MLLT3: variants seen among roughly 807,000 people sequenced by gnomAD.
MLLT3 encodes the protein MLLT3 super elongation complex subunit.
MLLT3 carries 4 observed loss-of-function variants against 53.2 expected under a neutral mutation model. That is an observed-to-expected ratio of 0.08 (90% confidence interval 0.04 to 0.17). The LOEUF (loss-of-function observed/expected upper bound fraction) is 0.17, where lower values mean the gene tolerates loss of function less well. Ranked by LOEUF, MLLT3 falls within the 10% of genes least tolerant of loss-of-function variation. MLLT3 has a pLI of 1.00. For missense variants in MLLT3, 569 were observed against 684.0 expected, an observed-to-expected ratio of 0.83 and a Z score of 1.87; for synonymous variants, 283 against 230.6, an observed-to-expected ratio of 1.23 and a Z score of -2.06.
intron 2 of MLLT3, among the ~76,000 whole-genome samples, chr9:20,497,640 C>A (rs1309541188): frequency 6.6e-6 from 1 of 152,024 alleles, no homozygotes; most frequent in Non-Finnish European, 1.5e-5. Context: ...ATAGTTCATT[C>A]CTCTTTATTG....
chr9:20,557,775 T>C (rs939580453), intron 2 of MLLT3, among the ~76,000 whole-genome samples: 12 of 152,180 alleles, frequency 7.9e-5, no homozygotes, highest in African/African-American at 2.9e-4. Context: ...CGAGTAATTC[T>C]ACCCTGTTTC....
Position 20,383,390 on chromosome 9 carries a change from A to G in MLLT3, c.1126-17646T>C, listed in dbSNP as rs115736841. 3.2e-3 allele frequency among the ~76,000 whole-genome samples: 492 copies of G among 152,092 alleles called. 2 individuals are homozygous for G. Among genetic ancestry groups the G allele is most frequent in the African/African-American group, 0.011 (474 of 41,564 alleles). On this transcript the variant is annotated intron_variant, in intron 5 of 10. Transcript: ENST00000380338. ...ATGAGGGTGAAAAGAATGAAACACTATAATAATTTGGTGCTCAGGTTCTGA... is the reference window on the plus strand; with the variant it reads ...ATGAGGGTGAAAAGAATGAAACACTGTAATAATTTGGTGCTCAGGTTCTGA...
chr9:20,515,832 T>TC (rs1817898474), intron 2 of MLLT3, among the ~76,000 whole-genome samples: 1 of 152,024 alleles, frequency 6.6e-6, no homozygotes, highest in Admixed American at 6.5e-5. Flanking sequence ...GCTGTGGCCT[T>TC]CCCCAAAGCT....
At chr9:20,430,395 A>C (rs1823235579) in intron 4 of MLLT3, among the ~76,000 whole-genome samples, 1 of 152,144 alleles carries the variant, frequency 6.6e-6, no homozygotes, top group South Asian at 2.1e-4. Flanking sequence ...TAGTAATTAC[A>C]ACATTGTAGT....
At chr9:20,443,603 GT>G (rs1422203476) in intron 4 of MLLT3, among the ~76,000 whole-genome samples, 1 of 152,158 alleles carries the variant, frequency 6.6e-6, no homozygotes, top group Non-Finnish European at 1.5e-5. Context: ...CAATGCGCTG[GT>G]TACACTAACT....
At chr9:20,499,554 A>C (rs943070652) in intron 2 of MLLT3, among the ~76,000 whole-genome samples, 2 of 152,152 alleles carry the variant, frequency 1.3e-5, no homozygotes, top group African/African-American at 4.8e-5. Flanking sequence ...GAAACAGTCC[A>C]TTTTTGCTGC....
At chr9:20,430,321 T>A (rs1367648221) in intron 4 of MLLT3, among the ~76,000 whole-genome samples, 1 of 152,062 alleles carries the variant, frequency 6.6e-6, no homozygotes, top group Admixed American at 6.6e-5. Context: ...CTAAAATGTA[T>A]ATGAAGAAAA....
chr9:20,565,526 C>G (rs1276519815), intron 2 of MLLT3, among the ~76,000 whole-genome samples: 1 of 152,088 alleles, frequency 6.6e-6, no homozygotes, highest in Non-Finnish European at 1.5e-5. Context: ...CTAATACACA[C>G]TGCTAGGTAA....
intron 5 of MLLT3, among the ~76,000 whole-genome samples, chr9:20,380,817 G>C (rs919610342): frequency 9.2e-5 from 14 of 151,904 alleles, no homozygotes; most frequent in African/African-American, 3.4e-4. Context: ...TTTTCTAGCT[G>C]GCTGCTGGAA....
chr9:20,597,933 A>C (rs1164971089), intron 2 of MLLT3, among the ~76,000 whole-genome samples: 1 of 152,210 alleles, frequency 6.6e-6, no homozygotes, highest in East Asian at 1.9e-4. Flanking sequence ...CACCATTTAA[A>C]ATCAACCAGG....
Position 20,343,214 on chromosome 9 carries a change from A to AAAAAAAAAAAAATTTT in MLLT3, c.*3228_*3229insAAAATTTTTTTTTTTT, listed in dbSNP as rs56934102. ...AAAAAAAAAAAAAAAAAAAAAAAAA[A>AAAAAAAAAAAAATTTT]TTTTGAAGAAACTTTTTAGTGGAAG... On this transcript the variant is annotated 3_prime_UTR_variant, in exon 11 of 11. Coordinates refer to ENST00000380338, the MANE Select transcript of MLLT3 (RefSeq NM_004529.4). 1 of 115,062 alleles carries AAAAAAAAAAAAATTTT rather than the reference A, an allele frequency of 8.7e-6. No individual in the cohort carries two copies. Among genetic ancestry groups the AAAAAAAAAAAAATTTT allele is most frequent in the African/African-American group, 6.7e-5 (1 of 14,932 alleles). 7.1% of individuals were successfully genotyped at this position (115,062 alleles called of 1,614,324 possible). A position where few individuals can be genotyped will look rare whatever the true frequency, so the allele number is the denominator to read the frequency against.
chr9:20,584,752 T>C (rs905129457), intron 2 of MLLT3, among the ~76,000 whole-genome samples: 12 of 152,218 alleles, frequency 7.9e-5, no homozygotes, highest in Non-Finnish European at 1.3e-4. Context: ...GTGGGAACTC[T>C]GGGAGATACA....
intron 2 of MLLT3, among the ~76,000 whole-genome samples, chr9:20,555,555 T>C (rs1819036297): frequency 1.3e-5 from 2 of 152,218 alleles, no homozygotes; most frequent in East Asian, 3.8e-4. Context: ...TGTATAACAT[T>C]TAGGGCACAT....
At chr9:20,500,478 C>A (rs999298802) in intron 2 of MLLT3, among the ~76,000 whole-genome samples, 1 of 152,174 alleles carries the variant, frequency 6.6e-6, no homozygotes, top group African/African-American at 2.4e-5. Context: ...GACAAAGACC[C>A]TACCTCTCAA....
intron 10 of MLLT3, among the ~76,000 whole-genome samples, chr9:20,350,701 A>G (rs1046679748): frequency 3.3e-5 from 5 of 152,134 alleles, no homozygotes; most frequent in Non-Finnish European, 7.3e-5. Flanking sequence ...TGTTGTGAAA[A>G]CATTCATGAT....
chr9:20,621,461 C>A lies in MLLT3; in HGVS notation c.13-627G>T, dbSNP rs1314979337. Reference sequence around the variant, plus strand: ...TCATACACACTGAAACACACACACACGCCCGCAGGAAAACACGCCGAGGCA... The same window carrying A: ...TCATACACACTGAAACACACACACAAGCCCGCAGGAAAACACGCCGAGGCA... On this transcript the variant is annotated intron_variant, in intron 1 of 10. Coordinates refer to ENST00000380338, the MANE Select transcript of MLLT3 (RefSeq NM_004529.4). The surrounding 1 kb of genome is among the most constrained non-coding windows in gnomAD (Gnocchi z 7.0). Among the ~76,000 whole-genome samples the A allele has an allele frequency of 6.6e-6, 1 of 152,148 alleles. No homozygotes were observed. The highest frequency in any genetic ancestry group is 6.5e-5 in the Admixed American group (1 of 15,284).
chr9:20,400,827 T>C (rs1309119292), intron 5 of MLLT3, among the ~76,000 whole-genome samples: 1 of 152,148 alleles, frequency 6.6e-6, no homozygotes, highest in Non-Finnish European at 1.5e-5. Context: ...AAACTGCCAA[T>C]TGTGAAGATA....
rs770930960 is a variant in MLLT3, at chr9:20,365,652, G to C, written c.1201+17C>G. Reference sequence around the variant, plus strand: ...TTATGAGAAAAGCATCTCCTAGTTTGCATGAGATGTTGATACCTTGTTGCC... The same window carrying C: ...TTATGAGAAAAGCATCTCCTAGTTTCCATGAGATGTTGATACCTTGTTGCC... On this transcript the variant is annotated intron_variant, in intron 6 of 10. Coordinates refer to ENST00000380338, the MANE Select transcript of MLLT3 (RefSeq NM_004529.4). 1.2e-6 allele frequency: 2 copies of C among 1,613,792 alleles called. No homozygotes were observed. Among genetic ancestry groups the C allele is most frequent in the Non-Finnish European group, 8.5e-7 (1 of 1,179,692 alleles).
chr9:20,390,976 T>C (rs997656270), intron 5 of MLLT3, among the ~76,000 whole-genome samples: 1 of 152,122 alleles, frequency 6.6e-6, no homozygotes, highest in Non-Finnish European at 1.5e-5. Context: ...AGTAAGCAAA[T>C]TGGGGTGTGA....
Sources: allele counts gnomAD v4.1 joint callset (sites outside exome capture counted in the v4.1 genomes callset), GRCh38; gene constraint gnomAD v4.1.1; non-coding constraint Gnocchi (gnomAD v3.1); transcripts MANE v1.5; gene names NCBI Gene and HGNC (gene_info 2026-07-23, HGNC 2026-07-21).